Variants in FOXK1 observed in about 807,000 individuals in gnomAD.
FOXK1 encodes forkhead box protein K1.
Under a neutral mutation model 51.9 loss-of-function variants are expected in FOXK1, and 19 were observed. The observed-to-expected ratio is 0.37, with a 90% CI of 0.26 to 0.54. The LOEUF (loss-of-function observed/expected upper bound fraction) is 0.54, where lower values mean the gene tolerates loss of function less well. FOXK1 is among the 20% of genes least tolerant of loss of function. The pLI, the probability that FOXK1 is intolerant of heterozygous loss-of-function variation, is 0.87. For missense variants in FOXK1, 870 were observed against 1,032.7 expected (o/e 0.84, Z 2.16); for synonymous variants, 537 against 482.6 (o/e 1.11, Z -1.48).
At chr7:4,742,701 G>C (rs1007726159) in intron 2 of FOXK1, among the ~76,000 whole-genome samples, 1 of 152,188 alleles carries the variant, frequency 6.6e-6, no homozygotes, top group African/African-American at 2.4e-5. Context: ...ACAGGTGTGA[G>C]CCAACACACC....
rs1199794816 is a variant in FOXK1, at chr7:4,720,709, T to A, written c.561-20129T>A. ...GTATGCTGCGTGCCTAGCTTTTTAC[T>A]TTTTTTTTTTTTGAGACAGAGTCTC... On this transcript the variant is annotated intron_variant, in intron 1 of 8. Transcript: ENST00000328914. 3.6e-5 allele frequency among the ~76,000 whole-genome samples: 3 copies of A among 83,316 alleles called. No individual in the cohort carries two copies. In the South Asian group the frequency reaches 1.3e-3, roughly 37 times the overall value. 54.7% of individuals were successfully genotyped at this position (83,316 alleles called of 152,430 possible).
At chr7:4,699,803 C>T (rs1163873162) in intron 1 of FOXK1, among the ~76,000 whole-genome samples, 4 of 152,160 alleles carry the variant, frequency 2.6e-5, no homozygotes, top group African/African-American at 9.7e-5. Context: ...AATTTTCTGT[C>T]TAGTCACATT....
At position 4,707,674 on chromosome 7, in the gene FOXK1, C is replaced by T. The variant is rs1215042379; in HGVS notation, c.560+24806C>T. Among the ~76,000 whole-genome samples the T allele has an allele frequency of 6.7e-6, 1 of 149,406 alleles. No individual in the cohort carries two copies. Among genetic ancestry groups the T allele is most frequent in the African/African-American group, 2.6e-5 (1 of 39,140 alleles). On this transcript the variant is annotated intron_variant, in intron 1 of 8. Transcript: ENST00000328914. The surrounding 1 kb of genome is among the most constrained non-coding windows in gnomAD (Gnocchi z 4.1). Reference sequence around the variant, plus strand: ...CGTATCTGATTCATGCGTGTGCGACCAGTACTCCATTTCACTTTTTTTTTT... The same window carrying T: ...CGTATCTGATTCATGCGTGTGCGACTAGTACTCCATTTCACTTTTTTTTTT...
intron 1 of FOXK1, among the ~76,000 whole-genome samples, chr7:4,720,600 G>A (rs4074260): frequency 0.04 from 6,143 of 152,240 alleles, 212 homozygotes; most frequent in Middle Eastern, 0.088. Flanking sequence ...GAGCCAGGCC[G>A]GGGAGACTCC....
chr7:4,766,297 C>G lies in FOXK1; in HGVS notation c.*3833C>G, dbSNP rs1171374886. On this transcript the variant is annotated 3_prime_UTR_variant, in exon 9 of 9. Transcript: ENST00000328914. The surrounding 1 kb of genome is among the most constrained non-coding windows in gnomAD (Gnocchi z 5.5). ...TTCACGCTAGAGGGCGCCATGCGCT[C>G]TGGGTGAAATGAGACGCTGGTGTGG... 6.6e-6 allele frequency: 1 copy of G among 152,270 alleles called. No individual in the cohort carries two copies. The highest frequency in any genetic ancestry group is 1.5e-5 in the Non-Finnish European group (1 of 68,078). 9.4% of individuals were successfully genotyped at this position (152,270 alleles called of 1,614,324 possible). A position where few individuals can be genotyped will look rare whatever the true frequency, so the allele number is the denominator to read the frequency against.
rs1353553693 is a variant in FOXK1, at chr7:4,709,891, C to G, written c.560+27023C>G. Among the ~76,000 whole-genome samples, 2 of 152,196 alleles carry G rather than the reference C, an allele frequency of 1.3e-5. No individual in the cohort carries two copies. Among genetic ancestry groups the G allele is most frequent in the Non-Finnish European group, 2.9e-5 (2 of 68,036 alleles). On this transcript the variant is annotated intron_variant, in intron 1 of 8. Coordinates refer to ENST00000328914, the MANE Select transcript of FOXK1 (RefSeq NM_001037165.2). This position sits in a 1 kb window ranked among gnomAD's most constrained non-coding sequence, Gnocchi z 5.6. ...GAGGATCGAATGAGTTCACTTAGAACAACGCGTGACACGTTTGAACACGGA... is the reference window on the plus strand; with the variant it reads ...GAGGATCGAATGAGTTCACTTAGAAGAACGCGTGACACGTTTGAACACGGA...
At position 4,729,931 on chromosome 7, in the gene FOXK1, A is replaced by G. The variant is rs1203613304; in HGVS notation, c.561-10907A>G. 2.0e-5 allele frequency among the ~76,000 whole-genome samples: 3 copies of G among 152,158 alleles called. No homozygotes were observed. The highest frequency in any genetic ancestry group is 1.5e-5 in the Non-Finnish European group (1 of 68,022). On this transcript the variant is annotated intron_variant, in intron 1 of 8. Transcript: ENST00000328914. The surrounding 1 kb of genome is among the most constrained non-coding windows in gnomAD (Gnocchi z 6.2). ...CTTGAACCCGGAAGGTGGAGTTTGC[A>G]GTGAGCTGAGATCCAGCCACTGCCC...
chr7:4,696,849 C>G (rs1361593834), intron 1 of FOXK1, among the ~76,000 whole-genome samples: 1 of 152,150 alleles, frequency 6.6e-6, no homozygotes. Context: ...GGGTGGATCA[C>G]TTGAGGCCAG....
chr7:4,713,606 C>T (rs554840707), intron 1 of FOXK1, among the ~76,000 whole-genome samples: 1 of 151,888 alleles, frequency 6.6e-6, no homozygotes, highest in Non-Finnish European at 1.5e-5. Context: ...ATTCTCCTGC[C>T]TTAGCCTCCC....
In FOXK1 at chr7:4,766,201, C is replaced by A. The variant is rs542458936; in HGVS notation, c.*3737C>A. 6.6e-6 allele frequency: 1 copy of A among 152,212 alleles called. No individual in the cohort carries two copies. The highest frequency in any genetic ancestry group is 1.9e-4 in the East Asian group (1 of 5,160). 9.4% of individuals were successfully genotyped at this position (152,212 alleles called of 1,614,324 possible). On this transcript the variant is annotated 3_prime_UTR_variant, in exon 9 of 9. Transcript: ENST00000328914. The surrounding 1 kb of genome is among the most constrained non-coding windows in gnomAD (Gnocchi z 5.5). ...CTTTCTACATTCCTAAAAACCTCAA[C>A]GTTAATCCCTCACCAGTCGGGCCGA... is the stretch of plus-strand genomic sequence containing the variant.
intron 1 of FOXK1, among the ~76,000 whole-genome samples, chr7:4,719,119 T>TG (rs1434086063): frequency 3.9e-5 from 5 of 129,286 alleles, no homozygotes; most frequent in African/African-American, 9.4e-5. Context: ...TTGTTTTTTT[T>TG]GTTTTTTTTT....
At chr7:4,686,932 C>CTTTTTT (rs201341774) in intron 1 of FOXK1, among the ~76,000 whole-genome samples, 1 of 145,638 alleles carries the variant, frequency 6.9e-6, no homozygotes, top group African/African-American at 2.7e-5. Context: ...AATTTTTTTT[C>CTTTTTT]TTTTCTTTTT....
In FOXK1 at chr7:4,731,908, C is replaced by T. The variant is rs914388733; in HGVS notation, c.561-8930C>T. On this transcript the variant is annotated intron_variant, in intron 1 of 8. Coordinates refer to ENST00000328914, the MANE Select transcript of FOXK1 (RefSeq NM_001037165.2). This position sits in a 1 kb window ranked among gnomAD's most constrained non-coding sequence, Gnocchi z 5.3. Reference sequence around the variant, plus strand: ...AACCGCTTGCTACGTGCCAGCCGTCCGGTCAGGACTGATGTTCACGGCATG... The same window carrying T: ...AACCGCTTGCTACGTGCCAGCCGTCTGGTCAGGACTGATGTTCACGGCATG... Among the ~76,000 whole-genome samples the T allele has an allele frequency of 2.6e-5, 4 of 152,228 alleles. No individual in the cohort carries two copies. Among genetic ancestry groups the T allele is most frequent in the Non-Finnish European group, 4.4e-5 (3 of 68,042 alleles).
rs993182201 is a variant in FOXK1, at chr7:4,722,053, C to T, written c.561-18785C>T. On this transcript the variant is annotated intron_variant, in intron 1 of 8. Coordinates refer to ENST00000328914, the MANE Select transcript of FOXK1 (RefSeq NM_001037165.2). The surrounding 1 kb of genome is among the most constrained non-coding windows in gnomAD (Gnocchi z 5.1). Reference sequence around the variant, plus strand: ...CTGGTGACCCCGCTGCATCCCATACCCTCCACCCATCCCAGCAGCCTCATG... The same window carrying T: ...CTGGTGACCCCGCTGCATCCCATACTCTCCACCCATCCCAGCAGCCTCATG... Among the ~76,000 whole-genome samples, 1 of 152,186 alleles carries T rather than the reference C, an allele frequency of 6.6e-6. No individual in the cohort carries two copies. Among genetic ancestry groups the T allele is most frequent in the Non-Finnish European group, 1.5e-5 (1 of 68,030 alleles).
intron 1 of FOXK1, among the ~76,000 whole-genome samples, chr7:4,688,555 C>T (rs1467806930): frequency 1.3e-5 from 2 of 152,134 alleles, no homozygotes; most frequent in Non-Finnish European, 2.9e-5. Flanking sequence ...GCCACGACAC[C>T]TGGCTAATTT....
In FOXK1 at chr7:4,735,616, C is replaced by T. The variant is rs1043895878; in HGVS notation, c.561-5222C>T. Among the ~76,000 whole-genome samples the T allele has an allele frequency of 1.3e-5, 2 of 152,250 alleles. No homozygotes were observed. The highest frequency in any genetic ancestry group is 1.9e-4 in the East Asian group (1 of 5,164). ...TGTCCTCCACAGATGGGCACTTGCT[C>T]GTACAGGAACCTTTCCGCCGGGCTG... is the stretch of plus-strand genomic sequence containing the variant. On this transcript the variant is annotated intron_variant, in intron 1 of 8. Coordinates refer to ENST00000328914, the MANE Select transcript of FOXK1 (RefSeq NM_001037165.2). This position sits in a 1 kb window ranked among gnomAD's most constrained non-coding sequence, Gnocchi z 4.7.
chr7:4,752,573 G>T (rs1010649603), intron 2 of FOXK1, among the ~76,000 whole-genome samples: 4 of 152,250 alleles, frequency 2.6e-5, no homozygotes, highest in African/African-American at 7.2e-5. Context: ...CCTCAGGAAG[G>T]ATCCAGGAGC....
chr7:4,689,956 G>T (rs1161182729), intron 1 of FOXK1, among the ~76,000 whole-genome samples: 2 of 152,204 alleles, frequency 1.3e-5, no homozygotes, highest in Admixed American at 1.3e-4. Context: ...ACAAGAAAGG[G>T]TGTCAGATCA....
In FOXK1 at chr7:4,753,523, T is replaced by C. The variant is rs1195889158; in HGVS notation, c.747-936T>C. ...TCAGCTGAGAGGGGGGATGTCAGCATCACAGGTGGGCAGGGTCCATCTCAG... is the reference window on the plus strand; with the variant it reads ...TCAGCTGAGAGGGGGGATGTCAGCACCACAGGTGGGCAGGGTCCATCTCAG... On this transcript the variant is annotated intron_variant, in intron 2 of 8. Coordinates refer to ENST00000328914, the MANE Select transcript of FOXK1 (RefSeq NM_001037165.2). The surrounding 1 kb of genome is among the most constrained non-coding windows in gnomAD (Gnocchi z 4.9). Among the ~76,000 whole-genome samples, 1 of 152,076 alleles carries C rather than the reference T, an allele frequency of 6.6e-6. No homozygotes were observed. Among genetic ancestry groups the C allele is most frequent in the Non-Finnish European group, 1.5e-5 (1 of 68,000 alleles).
Sources: gnomAD v4.1 joint callset for allele counts (sites outside exome capture counted in the v4.1 genomes callset) on GRCh38, gnomAD v4.1.1 for gene constraint, Gnocchi (gnomAD v3.1) non-coding constraint, MANE v1.5 for transcripts, NCBI Gene and HGNC (gene_info 2026-07-23, HGNC 2026-07-21) for gene names.